RELN: variants seen among roughly 807,000 people sequenced by gnomAD.
RELN encodes reelin.
A neutral mutation model predicts 427.6 loss-of-function variants in RELN; 108 were observed. The ratio of observed to expected loss-of-function variants is 0.25; its 90% CI spans 0.22 to 0.30. RELN has a LOEUF of 0.30. Ranked by LOEUF, RELN falls within the 10% of genes least tolerant of loss-of-function variation. The probability of loss-of-function intolerance (pLI) is 1.00; values close to 1 mark genes in which losing one functional copy is unlikely to be tolerated. For synonymous variants in RELN, 1,524 were observed against 1,513.4 expected, an observed-to-expected ratio of 1.01 and a Z score of -0.16; for missense variants, 3,715 against 4,302.8, an observed-to-expected ratio of 0.86 and a Z score of 3.82.
chr7:103,636,594 C>G (rs994080554), intron 17 of RELN, 126 bp from the exon 18 acceptor site: 27 of 719,398 alleles, frequency 3.8e-5, no homozygotes, highest in Non-Finnish European at 5.6e-5. Context: ...GCTCATTAGT[C>G]TTTGGAGACT....
At chr7:103,912,691 C>A (rs976232253) in intron 2 of RELN, among the ~76,000 whole-genome samples, 1 of 151,900 alleles carries the variant, frequency 6.6e-6, no homozygotes, top group African/African-American at 2.4e-5. Flanking sequence ...ATTCATCAGA[C>A]CTGCAAACCT....
At chr7:103,504,891 G>C (rs963568120) in intron 51 of RELN, among the ~76,000 whole-genome samples, 4 of 152,132 alleles carry the variant, frequency 2.6e-5, no homozygotes, top group Non-Finnish European at 5.9e-5. Flanking sequence ...GCTTGGTTTG[G>C]GGAGGGGCGT....
chr7:103,616,301 TGAA>T lies in RELN; in HGVS notation c.2703-4501_2703-4499del, dbSNP rs1832077425. Reference sequence around the variant, plus strand: ...ATACCATTCAGAAGTTATATTCATCTGAAGAAGAAGAGGTGAATGAATGTACGC... The same window carrying T: ...ATACCATTCAGAAGTTATATTCATCTGAAGAAGAGGTGAATGAATGTACGC... On this transcript the variant is annotated intron_variant, in intron 20 of 64. Coordinates refer to ENST00000428762, the MANE Select transcript of RELN (RefSeq NM_005045.4). 5.9e-5 allele frequency among the ~76,000 whole-genome samples: 9 copies of T among 152,312 alleles called. No individual in the cohort carries two copies. In the South Asian group the frequency reaches 1.9e-3, roughly 32 times the overall value.
intron 8 of RELN, among the ~76,000 whole-genome samples, chr7:103,702,533 A>G (rs950099407): frequency 1.3e-5 from 2 of 152,212 alleles, no homozygotes; most frequent in African/African-American, 4.8e-5. Context: ...CAAAATAAAA[A>G]TGAGTCTAAA....
chr7:103,783,821 A>T (rs2116240734), intron 3 of RELN, among the ~76,000 whole-genome samples: 1 of 152,308 alleles, frequency 6.6e-6, no homozygotes, highest in East Asian at 1.9e-4. Flanking sequence ...CGTTCATCTG[A>T]CAGTATTTGT....
intron 27 of RELN, among the ~76,000 whole-genome samples, chr7:103,592,912 A>T (rs1392986394): frequency 6.6e-6 from 1 of 152,202 alleles, no homozygotes; most frequent in Non-Finnish European, 1.5e-5. Context: ...TTTACTAATC[A>T]TATTATTTAT....
chr7:103,629,974 C>T lies in RELN; in HGVS notation c.2668G>A (p.Val890Ile). The change falls in exon 20 of 65, where the codon GTT becomes ATT. Residue 890 changes from valine (V) to isoleucine (I), a missense_variant. Physicochemically the swap from Val to Ile is conservative, Grantham distance 29. Around this residue, in one of 4 missense-constraint regions of RELN, gnomAD observed 2,208 missense variants for 2,361.7 expected, o/e 0.93. Transcript: ENST00000428762. ...TQSLGFYLGN[V>I]QPYCGHDWTL... ...CAGTCGTGGCCACAGTATGGCTGAA[C>T]ATTTCCAAGGTAGAATCCCAGAGAC... The T allele has an allele frequency of 6.2e-7, 1 of 1,613,434 alleles. No homozygotes were observed. Among genetic ancestry groups the T allele is most frequent in the Admixed American group, 1.7e-5 (1 of 60,006 alleles).
chr7:103,885,351 T>A (rs1368288521), intron 2 of RELN, among the ~76,000 whole-genome samples: 4 of 137,006 alleles, frequency 2.9e-5, no homozygotes, highest in African/African-American at 8.0e-5. Flanking sequence ...AAAAAAAAAA[T>A]TATAGACTGG....
At chr7:103,662,203 A>C (rs1402973979) in intron 11 of RELN, among the ~76,000 whole-genome samples, 1 of 152,188 alleles carries the variant, frequency 6.6e-6, no homozygotes, top group Non-Finnish European at 1.5e-5. Flanking sequence ...TGAGATGAAG[A>C]GAGGTTAAGA....
chr7:103,832,987 A>G (rs1366625191), intron 3 of RELN, among the ~76,000 whole-genome samples: 1 of 152,174 alleles, frequency 6.6e-6, no homozygotes, highest in Non-Finnish European at 1.5e-5. Context: ...GTCTTTTAAA[A>G]ATTGATAACA....
chr7:103,562,662 A>G (rs1233716598), intron 34 of RELN, among the ~76,000 whole-genome samples: 1 of 152,244 alleles, frequency 6.6e-6, no homozygotes, highest in Non-Finnish European at 1.5e-5. Flanking sequence ...AATGTGGAAC[A>G]CAGTCTACTT....
At position 103,953,519 on chromosome 7, in the gene RELN, T is replaced by C. The variant is rs756425979; in HGVS notation, c.226+35612A>G. On this transcript the variant is annotated intron_variant, in intron 1 of 64. Coordinates refer to ENST00000428762, the MANE Select transcript of RELN (RefSeq NM_005045.4). This position sits in a 1 kb window ranked among gnomAD's most constrained non-coding sequence, Gnocchi z 4.3. ...TTTTTAAGGCACTGGTAGGGGGACATACACACACACAGAATTTTATATAAA... is the reference window on the plus strand; with the variant it reads ...TTTTTAAGGCACTGGTAGGGGGACACACACACACACAGAATTTTATATAAA... Among the ~76,000 whole-genome samples, 7 of 152,150 alleles carry C rather than the reference T, an allele frequency of 4.6e-5. No homozygotes were observed. Among genetic ancestry groups the C allele is most frequent in the Non-Finnish European group, 7.3e-5 (5 of 68,028 alleles).
intron 3 of RELN, among the ~76,000 whole-genome samples, chr7:103,794,210 T>C (rs1038877152): frequency 2.0e-5 from 3 of 152,202 alleles, no homozygotes; most frequent in African/African-American, 7.2e-5. Context: ...GCTCCACTCT[T>C]GACCGCTTAA....
chr7:103,680,201 G>T (rs987152560), intron 11 of RELN, among the ~76,000 whole-genome samples: 1 of 152,036 alleles, frequency 6.6e-6, no homozygotes, highest in Non-Finnish European at 1.5e-5. Flanking sequence ...AGTGGAGGGT[G>T]AGAAGGAGAG....
At chr7:103,980,189 A>G (rs1164590306) in intron 1 of RELN, among the ~76,000 whole-genome samples, 1 of 151,770 alleles carries the variant, frequency 6.6e-6, no homozygotes, top group African/African-American at 2.4e-5. Context: ...CTTAATAAAA[A>G]TTATATTATC....
At chr7:103,855,405 G>A (rs2116475226) in intron 2 of RELN, among the ~76,000 whole-genome samples, 1 of 152,332 alleles carries the variant, frequency 6.6e-6, no homozygotes, top group East Asian at 1.9e-4. Flanking sequence ...ATGTGTGTAT[G>A]TGTGTAAGAA....
chr7:103,986,205 T>C (rs4305831), intron 1 of RELN, among the ~76,000 whole-genome samples: 118,194 of 152,050 alleles, frequency 0.78, 46,816 homozygotes, highest in East Asian at 0.94. Flanking sequence ...GAGTCAGAGA[T>C]AACATAATTT....
chr7:103,776,507 T>C, intron 4 of RELN, 50 bp downstream of exon 4: 2 of 1,574,946 alleles, frequency 1.3e-6, no homozygotes, highest in Non-Finnish European at 1.7e-6. Flanking sequence ...ACACAGGACC[T>C]ACCATGAATA....
At position 103,492,101 on chromosome 7, in the gene RELN, G is replaced by A. The variant is rs115974676; in HGVS notation, c.9370-75C>T. On this transcript the variant is annotated intron_variant, in intron 57 of 64. Coordinates refer to ENST00000428762, the MANE Select transcript of RELN (RefSeq NM_005045.4). ...AATTCCATTAATTAAAATCCCATCC[G>A]TCCATTTATTACTCTGATAGGTAAT... The A allele has an allele frequency of 4.9e-4, 580 of 1,174,284 alleles. 3 individuals carry two copies. In the African/African-American group the frequency reaches 7.5e-3, roughly 15 times the overall value. 72.7% of individuals were successfully genotyped at this position (1,174,284 alleles called of 1,614,324 possible).
Sources: gnomAD v4.1 joint callset for allele counts (sites outside exome capture counted in the v4.1 genomes callset) on GRCh38, gnomAD v4.1.1 for gene constraint, gnomAD v4.1.1 regional missense constraint, Gnocchi (gnomAD v3.1) non-coding constraint, MANE v1.5 for transcripts, NCBI Gene and HGNC (gene_info 2026-07-23, HGNC 2026-07-21) for gene names.